The following LSAMP variants were observed in gnomAD, a reference collection of about 807,000 sequenced individuals.
LSAMP encodes the protein limbic system associated membrane protein.
A neutral mutation model predicts 38.6 loss-of-function variants in LSAMP; 7 were observed. That is an observed-to-expected ratio of 0.18 (90% CI 0.10 to 0.34). The LOEUF (loss-of-function observed/expected upper bound fraction) is 0.34. LSAMP is among the 10% of genes least tolerant of loss of function. The probability of loss-of-function intolerance (pLI) is 1.00; values close to 1 mark genes in which losing one functional copy is unlikely to be tolerated. For missense variants in LSAMP, 313 were observed against 420.0 expected (o/e 0.75, Z 2.23); for synonymous variants, 154 against 166.8 (o/e 0.92, Z 0.59).
rs11386123 is a variant in LSAMP, at chr3:115,982,931, CT to C, written c.514+36583del. On this transcript the variant is annotated intron_variant, in intron 3 of 6. Coordinates refer to ENST00000490035, the MANE Select transcript of LSAMP (RefSeq NM_002338.5). The stretch of plus-strand genomic sequence containing the variant: ...CTTAACCAATCATTGCCTATGGAGA[CT>C]TTTTTTTTTTTTTTTTTAAATCCAG... Among the ~76,000 whole-genome samples the C allele has an allele frequency of 5.2e-3, 710 of 136,238 alleles. 4 individuals are homozygous for C. The highest frequency in any genetic ancestry group is 0.017 in the African/African-American group (609 of 36,852). 89.4% of individuals were successfully genotyped at this position (136,238 alleles called of 152,430 possible).
chr3:116,236,221 T>G (rs1438343180), intron 1 of LSAMP, among the ~76,000 whole-genome samples: 1 of 152,148 alleles, frequency 6.6e-6, no homozygotes, highest in Non-Finnish European at 1.5e-5. Context: ...TAGAATTTGA[T>G]GTTTTTAAAA....
intron 1 of LSAMP, among the ~76,000 whole-genome samples, chr3:116,304,854 G>A (rs2047461347): frequency 6.6e-6 from 1 of 152,096 alleles, no homozygotes; most frequent in Non-Finnish European, 1.5e-5. Flanking sequence ...TATTGGTGGG[G>A]AAGATGGAGG....
At chr3:116,012,690 G>A (rs558724739) in intron 3 of LSAMP, among the ~76,000 whole-genome samples, 2 of 152,142 alleles carry the variant, frequency 1.3e-5, no homozygotes, top group South Asian at 2.1e-4. Context: ...TTATTGTGCT[G>A]GAATGAAGGA....
At chr3:116,408,919 C>T (rs527358454) in intron 1 of LSAMP, among the ~76,000 whole-genome samples, 1 of 152,124 alleles carries the variant, frequency 6.6e-6, no homozygotes, top group East Asian at 1.9e-4. Context: ...CCAGTGCCTA[C>T]CCATGCGGAC....
chr3:116,026,067 G>C (rs919273303), intron 2 of LSAMP, among the ~76,000 whole-genome samples: 21 of 152,162 alleles, frequency 1.4e-4, no homozygotes, highest in African/African-American at 5.1e-4. Context: ...TTACAGGCAT[G>C]AGCCATTGCA....
intron 3 of LSAMP, among the ~76,000 whole-genome samples, chr3:115,966,359 G>C (rs1001709106): frequency 1.3e-5 from 2 of 152,208 alleles, no homozygotes; most frequent in Non-Finnish European, 2.9e-5. Flanking sequence ...TCTTGAACCT[G>C]AGATAGAAAT....
At position 115,992,048 on chromosome 3, in the gene LSAMP, A is replaced by C. The variant is rs114306450; in HGVS notation, c.514+27467T>G. ...GGGCGGGTGGACAGCATGGATGTAG[A>C]AACTAAGTTATTTATTGTCTTTGCC... On this transcript the variant is annotated intron_variant, in intron 3 of 6. Coordinates refer to ENST00000490035, the MANE Select transcript of LSAMP (RefSeq NM_002338.5). Among the ~76,000 whole-genome samples, 588 of 152,228 alleles carry C rather than the reference A, an allele frequency of 3.9e-3. 4 individuals carry two copies. Among genetic ancestry groups the C allele is most frequent in the African/African-American group, 0.013 (554 of 41,558 alleles).
chr3:116,133,714 G>A (rs1286805980), intron 1 of LSAMP, among the ~76,000 whole-genome samples: 12 of 152,218 alleles, frequency 7.9e-5, no homozygotes, highest in African/African-American at 2.6e-4. Flanking sequence ...AATACACTTT[G>A]ATTAAAATAA....
chr3:116,260,330 A>G (rs544480941), intron 1 of LSAMP, among the ~76,000 whole-genome samples: 9 of 152,264 alleles, frequency 5.9e-5, no homozygotes, highest in Non-Finnish European at 1.3e-4. Context: ...CTCCAGTAAA[A>G]GCAGATTTAT....
intron 3 of LSAMP, among the ~76,000 whole-genome samples, chr3:115,948,989 C>G (rs1938195776): frequency 6.6e-6 from 1 of 151,932 alleles, no homozygotes; most frequent in Admixed American, 6.6e-5. Flanking sequence ...CAAAATTAGC[C>G]AGGCATGATG....
chr3:116,256,192 C>T (rs1040816846), intron 1 of LSAMP, among the ~76,000 whole-genome samples: 1 of 152,084 alleles, frequency 6.6e-6, no homozygotes, highest in Non-Finnish European at 1.5e-5. Flanking sequence ...GGTTCAAAGC[C>T]AGGTTTTGGA....
intron 4 of LSAMP, 56 bp from the exon 5 acceptor site, chr3:115,842,634 T>C: frequency 6.2e-7 from 1 of 1,600,678 alleles, no homozygotes; most frequent in East Asian, 2.2e-5. Flanking sequence ...TTAGAATTTC[T>C]ATTCAGGAAG....
At chr3:116,143,616 C>A (rs1709424259) in intron 1 of LSAMP, among the ~76,000 whole-genome samples, 1 of 151,918 alleles carries the variant, frequency 6.6e-6, no homozygotes, top group African/African-American at 2.4e-5. Context: ...AATTAAAAGT[C>A]TACTGTATTT....
intron 3 of LSAMP, among the ~76,000 whole-genome samples, chr3:115,992,973 G>A (rs1357707574): frequency 6.6e-6 from 1 of 152,020 alleles, no homozygotes; most frequent in African/African-American, 2.4e-5. Flanking sequence ...TGTATGGATG[G>A]TGCCAATTTC....
chr3:116,292,008 C>G (rs543557042), intron 1 of LSAMP, among the ~76,000 whole-genome samples: 1 of 152,276 alleles, frequency 6.6e-6, no homozygotes, highest in East Asian at 1.9e-4. Context: ...GATCACCACT[C>G]AGCAATCATC....
At chr3:115,998,024 T>G (rs1043947440) in intron 3 of LSAMP, among the ~76,000 whole-genome samples, 1 of 150,750 alleles carries the variant, frequency 6.6e-6, no homozygotes, top group Non-Finnish European at 1.5e-5. Context: ...TTCAGCAGCA[T>G]CCTTGGCCTC....
chr3:116,428,501 A>G, intron 1 of LSAMP, among the ~76,000 whole-genome samples: 1 of 152,194 alleles, frequency 6.6e-6, no homozygotes, highest in East Asian at 1.9e-4. Context: ...CTTTTTAAAA[A>G]ACCTACCATG....
chr3:116,394,252 T>C, intron 1 of LSAMP, among the ~76,000 whole-genome samples: 1 of 152,226 alleles, frequency 6.6e-6, no homozygotes, highest in East Asian at 1.9e-4. Context: ...GATATTTCAC[T>C]GCATAAGAAG....
intron 3 of LSAMP, among the ~76,000 whole-genome samples, chr3:115,923,917 A>G (rs1937440740): frequency 6.6e-6 from 1 of 152,178 alleles, no homozygotes; most frequent in Admixed American, 6.5e-5. Flanking sequence ...ATGTGTCTCC[A>G]AACATTTTAA....
Sources: allele counts gnomAD v4.1 joint callset (sites outside exome capture counted in the v4.1 genomes callset), GRCh38; gene constraint gnomAD v4.1.1; transcripts MANE v1.5; gene names NCBI Gene and HGNC (gene_info 2026-07-23, HGNC 2026-07-21).